Variants in DYSF observed in about 807,000 individuals in gnomAD.
DYSF encodes the protein dysferlin, also known as dystrophy-associated fer-1-like 1.
DYSF carries 212 observed loss-of-function variants against 274.9 expected under a neutral mutation model. The observed-to-expected ratio is 0.77, with a 90% CI of 0.69 to 0.86. DYSF has a LOEUF of 0.86. Ranked by LOEUF, DYSF falls within the 40% of genes least tolerant of loss-of-function variation. The pLI is 0.00. For synonymous variants in DYSF, 1,091 were observed against 1,078.7 expected (o/e 1.01, Z -0.22); for missense variants, 2,666 against 2,783.2 (o/e 0.96, Z 0.95).
chr2:71,549,529 G>T (rs953130748), intron 17 of DYSF: 4 of 817,712 alleles, frequency 4.9e-6, no homozygotes, highest in Non-Finnish European at 7.9e-6. Context: ...TAAGTCCCTG[G>T]ACTTACCTTT....
chr2:71,613,029 G>A (rs1400662659), intron 39 of DYSF, among the ~76,000 whole-genome samples: 1 of 152,168 alleles, frequency 6.6e-6, no homozygotes, highest in Non-Finnish European at 1.5e-5. Context: ...TGGAGCTGAG[G>A]GGTGAGGGCT....
intron 55 of DYSF, 124 bp from the exon 56 acceptor site, chr2:71,686,330 C>T: frequency 1.6e-6 from 2 of 1,241,812 alleles, no homozygotes; most frequent in Non-Finnish European, 2.4e-6. Flanking sequence ...CGAGCGTCCT[C>T]TCCCAGCCTC....
In DYSF at chr2:71,574,297, C is replaced by CGCCGCT. The variant is rs1558513143; in HGVS notation, c.3330_3335dup (p.Arg1111_Trp1112insCysArg). 2.5e-6 allele frequency: 4 copies of CGCCGCT among 1,613,958 alleles called. No homozygotes were observed. The Admixed American group carries it at 5.0e-5, about 20-fold the overall frequency. Reference sequence around the variant, plus strand: ...CCGCAAGACAGATGCCTTCCGCCGCCGCCGCTGGCGCCGTCGCATGGAGCC... The same window carrying CGCCGCT: ...CCGCAAGACAGATGCCTTCCGCCGCCGCCGCTGCCGCTGGCGCCGTCGCATGGAGCC... On this transcript the variant is annotated inframe_insertion, in exon 30 of 56. Transcript: ENST00000410020.
intron 5 of DYSF, 31 bp from the exon 6 acceptor site, chr2:71,513,209 C>T (rs530858928): frequency 6.6e-5 from 102 of 1,550,582 alleles, no homozygotes; most frequent in African/African-American, 9.6e-5. Flanking sequence ...CCTCCCTCCC[C>T]TCCCGGGGTT....
At chr2:71,456,914 G>A (rs2081090309) in intron 1 of DYSF, among the ~76,000 whole-genome samples, 1 of 152,192 alleles carries the variant, frequency 6.6e-6, no homozygotes, top group East Asian at 1.9e-4. Context: ...GCCAGGGAGG[G>A]TGGTGCCTGG....
chr2:71,664,801 T>C (rs2094964926), intron 46 of DYSF, among the ~76,000 whole-genome samples: 1 of 152,214 alleles, frequency 6.6e-6, no homozygotes, highest in South Asian at 2.1e-4. Flanking sequence ...AGAGGACATG[T>C]GTGCTGCAAC....
intron 32 of DYSF, among the ~76,000 whole-genome samples, chr2:71,593,125 CTTTTTTTTT>C (rs35900869): frequency 1.2e-5 from 1 of 85,564 alleles, no homozygotes; most frequent in Admixed American, 1.4e-4. Flanking sequence ...TCAGTGACTT[CTTTTTTTTT>C]TTTTTTTTTT....
chr2:71,622,077 T>G (rs1457369982), intron 41 of DYSF, among the ~76,000 whole-genome samples: 1 of 151,964 alleles, frequency 6.6e-6, no homozygotes, highest in East Asian at 1.9e-4. Flanking sequence ...CTTTTGTCCC[T>G]TAAAGGACTT....
intron 41 of DYSF, among the ~76,000 whole-genome samples, chr2:71,621,415 A>G (rs1189965436): frequency 2.6e-5 from 4 of 152,052 alleles, no homozygotes; most frequent in African/African-American, 4.8e-5. Flanking sequence ...GGAAAACACA[A>G]AAAGTGTCAA....
chr2:71,524,635 C>T (rs533440492), intron 12 of DYSF, among the ~76,000 whole-genome samples: 1 of 152,334 alleles, frequency 6.6e-6, no homozygotes, highest in Admixed American at 6.5e-5. Flanking sequence ...ACAGCCTGAC[C>T]TTGCTATTCT....
In DYSF at chr2:71,551,590, C is replaced by T. The variant is rs773300501; in HGVS notation, c.1693-17C>T. On this transcript the variant is annotated splice_polypyrimidine_tract_variant and intron_variant, in intron 18 of 55. Coordinates refer to ENST00000410020, the MANE Select transcript of DYSF (RefSeq NM_001130987.2). ...CCTCTGTCTCCCCTGCTCCTTGTGA[C>T]CTGACCTCCCTGGCAGGGGGAAGGT... is the stretch of plus-strand genomic sequence containing the variant. 6 of 1,593,512 alleles carry T rather than the reference C, an allele frequency of 3.8e-6. 1 individual carries two copies. In the South Asian group the frequency reaches 6.9e-5, roughly 18 times the overall value.
chr2:71,552,385 C>T (rs747286834), intron 19 of DYSF, among the ~76,000 whole-genome samples: 6 of 152,202 alleles, frequency 3.9e-5, no homozygotes, highest in Non-Finnish European at 8.8e-5. Context: ...TACACATATG[C>T]AGTAAGCACT....
chr2:71,605,178 C>T (rs1253565050), intron 36 of DYSF, among the ~76,000 whole-genome samples: 3 of 152,214 alleles, frequency 2.0e-5, no homozygotes, highest in East Asian at 1.9e-4. Context: ...ACTCTCCTTT[C>T]GTGTTTCACT....
rs778816516 is a variant in DYSF at position 71,539,145 on chromosome 2, C to T, written c.1494-12C>T. On this transcript the variant is annotated splice_polypyrimidine_tract_variant and intron_variant, in intron 16 of 55. Coordinates refer to ENST00000410020, the MANE Select transcript of DYSF (RefSeq NM_001130987.2). ...TTCCTGTGTTCAGGCCCTCTCTGCT[C>T]CCTTGCTCTAGGGACCGCCTGACTC... 3 of 1,613,580 alleles carry T rather than the reference C, an allele frequency of 1.9e-6. No individual in the cohort carries two copies. The South Asian group carries it at 3.3e-5, about 18-fold the overall frequency.
At chr2:71,572,033 T>C (rs1279282348) in intron 29 of DYSF, among the ~76,000 whole-genome samples, 20 of 48,660 alleles carry the variant, frequency 4.1e-4, no homozygotes, top group East Asian at 1.3e-3. Flanking sequence ...ACATTACACC[T>C]AGCACACCCA....
At chr2:71,663,543 C>G (rs2094939687) in intron 45 of DYSF, among the ~76,000 whole-genome samples, 1 of 152,244 alleles carries the variant, frequency 6.6e-6, no homozygotes, top group South Asian at 2.1e-4. Context: ...CCCTCCTTCT[C>G]CATGCCACAA....
intron 4 of DYSF, among the ~76,000 whole-genome samples, chr2:71,508,566 T>A (rs1384230994): frequency 6.6e-6 from 1 of 152,204 alleles, no homozygotes; most frequent in Non-Finnish European, 1.5e-5. Context: ...TCCCCCACAT[T>A]GGTTTTGTCT....
intron 43 of DYSF, among the ~76,000 whole-genome samples, chr2:71,657,987 G>T (rs1198714686): frequency 6.6e-6 from 1 of 152,092 alleles, no homozygotes; most frequent in African/African-American, 2.4e-5. Flanking sequence ...TCAAAAAATG[G>T]GTTTTTCTTT....
intron 36 of DYSF, among the ~76,000 whole-genome samples, chr2:71,607,551 G>A (rs750810882): frequency 1.3e-5 from 2 of 152,222 alleles, no homozygotes; most frequent in Non-Finnish European, 1.5e-5. Flanking sequence ...TGTAGAACGC[G>A]TGGGCTGTTG....
Sources: allele counts gnomAD v4.1 joint callset (sites outside exome capture counted in the v4.1 genomes callset), GRCh38; gene constraint gnomAD v4.1.1; transcripts MANE v1.5; gene names NCBI Gene and HGNC (gene_info 2026-07-23, HGNC 2026-07-21).